Variants in SLC17A8 observed in about 807,000 individuals in gnomAD.
SLC17A8 encodes the protein vesicular glutamate transporter 3.
A neutral mutation model predicts 58.0 loss-of-function variants in SLC17A8; 31 were observed. The observed-to-expected ratio is 0.53, with a 90% CI of 0.40 to 0.72. The LOEUF is 0.72. Ranked by LOEUF, SLC17A8 falls within the 30% of genes least tolerant of loss-of-function variation. SLC17A8 has a pLI of 0.00. For synonymous variants in SLC17A8, 228 were observed against 249.0 expected, an observed-to-expected ratio of 0.92 and a Z score of 0.79; for missense variants, 655 against 727.8, an observed-to-expected ratio of 0.90 and a Z score of 1.15.
At chr12:100,389,656 G>T (rs937886450) in intron 2 of SLC17A8, among the ~76,000 whole-genome samples, 3 of 151,170 alleles carry the variant, frequency 2.0e-5, no homozygotes, top group Middle Eastern at 3.2e-3. Context: ...TTAGAGACAG[G>T]AGCTTGCTCT....
intron 2 of SLC17A8, among the ~76,000 whole-genome samples, chr12:100,382,766 C>G (rs1327566648): frequency 6.6e-6 from 1 of 152,212 alleles, no homozygotes; most frequent in Non-Finnish European, 1.5e-5. Flanking sequence ...ATAGAATGCT[C>G]TCTTTCATGC....
chr12:100,415,920 G>A (rs1952903470), intron 10 of SLC17A8, among the ~76,000 whole-genome samples: 1 of 152,258 alleles, frequency 6.6e-6, no homozygotes, highest in Admixed American at 6.5e-5. Flanking sequence ...GCAGCCACAG[G>A]GGCAATAATT....
At chr12:100,404,396 A>G (rs1237264663) in intron 9 of SLC17A8, 3 of 560,778 alleles carry the variant, frequency 5.3e-6, no homozygotes, top group Admixed American at 2.9e-5. Flanking sequence ...TTGCTTATGT[A>G]GTTTATTCCC....
chr12:100,404,241 A>G, intron 9 of SLC17A8, 71 bp downstream of exon 9: 3 of 1,589,674 alleles, frequency 1.9e-6, no homozygotes, highest in Non-Finnish European at 2.6e-6. Flanking sequence ...CAGAGCATAT[A>G]TTAAGAAGTG....
chr12:100,397,835 C>T (rs368733241), intron 5 of SLC17A8, among the ~76,000 whole-genome samples: 1 of 151,684 alleles, frequency 6.6e-6, no homozygotes, highest in Admixed American at 6.6e-5. Context: ...CCCAGCTACT[C>T]AGGAGGCCAA....
chr12:100,367,523 T>C (rs1204485676), intron 1 of SLC17A8, among the ~76,000 whole-genome samples: 3 of 152,158 alleles, frequency 2.0e-5, no homozygotes, highest in Non-Finnish European at 4.4e-5. Context: ...CATTCTCTCC[T>C]GGAATGGATA....
chr12:100,420,295 A>T lies in SLC17A8; in HGVS notation c.*136A>T, dbSNP rs1952939872. 2 of 683,524 alleles carry T rather than the reference A, an allele frequency of 2.9e-6. No individual in the cohort carries two copies. The highest frequency in any genetic ancestry group is 4.9e-5 in the Admixed American group (2 of 40,688). The allele number at this position is 683,524 out of a possible 1,614,324, so 42.3% of individuals were successfully genotyped here. On this transcript the variant is annotated 3_prime_UTR_variant, in exon 12 of 12. Coordinates refer to ENST00000323346, the MANE Select transcript of SLC17A8 (RefSeq NM_139319.3). Reference sequence around the variant, plus strand: ...AGATCTAACCAGCAACAGGGAAAAGAGAAATATTATCTTTCAATGACATGT... The same window carrying T: ...AGATCTAACCAGCAACAGGGAAAAGTGAAATATTATCTTTCAATGACATGT...
Position 100,402,751 on chromosome 12 carries a change from C to T in SLC17A8, c.1053+6C>T, listed in dbSNP as rs769713453. ...TTGGATTTGCAATAAGTAAGGTAAA[C>T]ACACAGATGCTCCAAATATTTTTGA... On this transcript the variant is annotated splice_donor_region_variant and intron_variant, in intron 8 of 11. Coordinates refer to ENST00000323346, the MANE Select transcript of SLC17A8 (RefSeq NM_139319.3). The T allele has an allele frequency of 6.2e-7, 1 of 1,611,186 alleles. No homozygotes were observed. Among genetic ancestry groups the T allele is most frequent in the Non-Finnish European group, 8.5e-7 (1 of 1,179,222 alleles).
intron 1 of SLC17A8, among the ~76,000 whole-genome samples, chr12:100,366,875 C>G (rs1952524043): frequency 6.6e-6 from 1 of 152,178 alleles, no homozygotes; most frequent in Non-Finnish European, 1.5e-5. Context: ...TGGGCTGATT[C>G]CCTAACTGTA....
At chr12:100,411,379 C>G (rs1593006769) in intron 9 of SLC17A8, among the ~76,000 whole-genome samples, 1 of 152,162 alleles carries the variant, frequency 6.6e-6, no homozygotes, top group African/African-American at 2.4e-5. Context: ...ACTTGGGAGG[C>G]TGAGGCAGGA....
chr12:100,420,322 T>C lies in SLC17A8; in HGVS notation c.*163T>C, dbSNP rs1189420571. ...AAATATTATCTTTCAATGACATGTATAGGTAAGGAGCTGCGCTCAGTTGAT... is the reference window on the plus strand; with the variant it reads ...AAATATTATCTTTCAATGACATGTACAGGTAAGGAGCTGCGCTCAGTTGAT... On this transcript the variant is annotated 3_prime_UTR_variant, in exon 12 of 12. Transcript: ENST00000323346. The C allele has an allele frequency of 7.9e-6, 5 of 633,180 alleles. No homozygotes were observed. The highest frequency in any genetic ancestry group is 1.4e-5 in the Non-Finnish European group (5 of 359,664). 39.2% of individuals were successfully genotyped at this position (633,180 alleles called of 1,614,324 possible).
At chr12:100,398,032 A>C (rs1433876238) in intron 5 of SLC17A8, among the ~76,000 whole-genome samples, 1 of 152,014 alleles carries the variant, frequency 6.6e-6, no homozygotes, top group Non-Finnish European at 1.5e-5. Flanking sequence ...TTTTCAAACT[A>C]GCACACTTTT....
chr12:100,383,419 A>G (rs1479015789), intron 2 of SLC17A8, among the ~76,000 whole-genome samples: 1 of 152,190 alleles, frequency 6.6e-6, no homozygotes, highest in African/African-American at 2.4e-5. Flanking sequence ...GCTCTAATTT[A>G]TAGCAGATTA....
At chr12:100,395,998 C>T (rs1014487962) in intron 4 of SLC17A8, among the ~76,000 whole-genome samples, 1 of 152,208 alleles carries the variant, frequency 6.6e-6, no homozygotes, top group East Asian at 1.9e-4. Context: ...AGCTAGCTTC[C>T]TGGTTCATAA....
intron 1 of SLC17A8, among the ~76,000 whole-genome samples, chr12:100,359,210 G>T (rs1952467817): frequency 6.6e-5 from 10 of 152,016 alleles, no homozygotes; most frequent in Admixed American, 6.6e-4. Context: ...AGCAAACTCT[G>T]CCTTCATTTA....
intron 2 of SLC17A8, among the ~76,000 whole-genome samples, chr12:100,384,188 T>C (rs1387502397): frequency 2.0e-5 from 3 of 152,230 alleles, no homozygotes; most frequent in Non-Finnish European, 4.4e-5. Flanking sequence ...GCATGGGCTT[T>C]GGAACTGGCC....
chr12:100,417,977 T>C, intron 10 of SLC17A8, 52 bp from the exon 11 acceptor site: 28 of 1,612,664 alleles, frequency 1.7e-5, no homozygotes, highest in Non-Finnish European at 2.3e-5. Context: ...TTCCAAAGCA[T>C]ATTTGAAATT....
intron 1 of SLC17A8, among the ~76,000 whole-genome samples, chr12:100,371,708 C>T (rs1285256565): frequency 2.0e-5 from 3 of 152,258 alleles, no homozygotes; most frequent in Admixed American, 6.5e-5. Flanking sequence ...CCAGCACACC[C>T]GGCTAACTTT....
chr12:100,382,236 A>G (rs1952642922), intron 2 of SLC17A8, among the ~76,000 whole-genome samples: 1 of 152,204 alleles, frequency 6.6e-6, no homozygotes, highest in African/African-American at 2.4e-5. Context: ...TCTGTGCTCC[A>G]GATTGTTCAC....
Sources: gnomAD v4.1 joint callset for allele counts (sites outside exome capture counted in the v4.1 genomes callset) on GRCh38, gnomAD v4.1.1 for gene constraint, MANE v1.5 for transcripts, NCBI Gene and HGNC (gene_info 2026-07-23, HGNC 2026-07-21) for gene names.